ZNF37A: variants seen among roughly 807,000 people sequenced by gnomAD.
ZNF37A encodes zinc finger protein 37a (KOX 21).
In ZNF37A, 10 loss-of-function variants were observed where a neutral mutation model predicts 12.3. That is an observed-to-expected ratio of 0.82 (90% CI 0.50 to 1.38). The LOEUF is 1.38. Among genes scored for constraint, ZNF37A ranks in the 40% most tolerant of loss-of-function variants. The pLI is 0.00. For synonymous variants in ZNF37A, 207 were observed against 223.0 expected (o/e 0.93, Z 0.64); for missense variants, 580 against 651.2 (o/e 0.89, Z 1.19).
chr10:38,112,788 T>TCTTGTCTTGTCTTGTCTTGTCTTGTCTTG (rs1564932518), intron 5 of ZNF37A, among the ~76,000 whole-genome samples: 3 of 111,440 alleles, frequency 2.7e-5, no homozygotes, highest in African/African-American at 1.0e-4. Flanking sequence ...TTCTTTTCTT[T>TCTTGTCTTGTCTTGTCTTGTCTTGTCTTG]TCTTTTCTTG....
At chr10:38,100,098 A>G (rs1030985959) in intron 5 of ZNF37A, among the ~76,000 whole-genome samples, 3 of 152,216 alleles carry the variant, frequency 2.0e-5, no homozygotes, top group African/African-American at 7.2e-5. Flanking sequence ...CCCACAAGCC[A>G]TAAAACCAGC....
chr10:38,145,733 T>C (rs1338055109), intron 7 of ZNF37A, among the ~76,000 whole-genome samples: 1 of 152,184 alleles, frequency 6.6e-6, no homozygotes, highest in Non-Finnish European at 1.5e-5. Flanking sequence ...ACCAGAAATG[T>C]TCCTCAAGAA....
At chr10:38,115,318 T>A in intron 7 of ZNF37A, 28 bp downstream of exon 7, 1 of 1,606,108 alleles carries the variant, frequency 6.2e-7, no homozygotes, top group Non-Finnish European at 8.5e-7. Flanking sequence ...AGATGGAATT[T>A]AAAGGAAGGT....
chr10:38,101,570 C>T lies in ZNF37A; in HGVS notation c.15+4938C>T, dbSNP rs1309968928. Among the ~76,000 whole-genome samples, 3 of 147,168 alleles carry T rather than the reference C, an allele frequency of 2.0e-5. No individual in the cohort carries two copies. In the East Asian group the frequency reaches 6.1e-4, roughly 30 times the overall value. On this transcript the variant is annotated intron_variant, in intron 5 of 7. Transcript: ENST00000685332. The stretch of plus-strand genomic sequence containing the variant: ...TTTATTTCTATTTCTGTTACTATGT[C>T]TCCTTTGTAGACTGACCTTTTTTTT...
intron 7 of ZNF37A, 200 bp from the exon 8 acceptor site, chr10:38,117,190 G>T (rs913205011): frequency 4.1e-6 from 4 of 984,970 alleles, no homozygotes; most frequent in Non-Finnish European, 4.8e-6. Flanking sequence ...ATAGGACTAT[G>T]AATTAGAACT....
chr10:38,096,530 T>G, intron 4 of ZNF37A, 44 bp from the exon 5 acceptor site: 2 of 1,461,458 alleles, frequency 1.4e-6, no homozygotes, highest in Admixed American at 2.0e-5. Context: ...AAGTGGACCT[T>G]TTAAGGCAAG....
rs1288828062 is a variant in ZNF37A at position 38,123,875 on chromosome 10, C to T, written c.*5038C>T. ...GAGGATGTGGAGAAAAGGGAAACCTCGTGCACTGTGGAAATGTTATTAGTA... is the reference window on the plus strand; with the variant it reads ...GAGGATGTGGAGAAAAGGGAAACCTTGTGCACTGTGGAAATGTTATTAGTA... On this transcript the variant is annotated 3_prime_UTR_variant, in exon 8 of 8. Transcript: ENST00000685332. The T allele has an allele frequency of 2.0e-5, 3 of 152,092 alleles. No homozygotes were observed. The highest frequency in any genetic ancestry group is 4.4e-5 in the Non-Finnish European group (3 of 68,010). The allele number at this position is 152,092 out of a possible 1,614,324, so 9.4% of individuals were successfully genotyped here.
In ZNF37A at chr10:38,115,196, G is replaced by T; in HGVS notation, c.144G>T (p.Gly48=). The change falls in exon 7 of 8, where the codon GGG becomes GGT. Residue 48 remains glycine (G), a splice_region_variant and synonymous_variant. Coordinates refer to ENST00000685332, the MANE Select transcript of ZNF37A (RefSeq NM_001324250.3). ...LENYSHLVSV[G]YCIPKPEVIL... ...AAGTAATACAATTCTCATTCACAGG[G>T]TATTGCATTCCTAAACCAGAAGTGA... 3 of 1,612,098 alleles carry T rather than the reference G, an allele frequency of 1.9e-6. No individual in the cohort carries two copies. The highest frequency in any genetic ancestry group is 1.7e-6 in the Non-Finnish European group (2 of 1,179,194).
intron 7 of ZNF37A, chr10:38,141,703 G>T (rs944033091): frequency 6.6e-6 from 1 of 152,186 alleles, no homozygotes; most frequent in Non-Finnish European, 1.5e-5. Context: ...ATAGTTACAT[G>T]AGATGTTAAC....
At chr10:38,108,925 T>C (rs1590851017) in intron 5 of ZNF37A, among the ~76,000 whole-genome samples, 1 of 152,150 alleles carries the variant, frequency 6.6e-6, no homozygotes, top group Non-Finnish European at 1.5e-5. Flanking sequence ...CTGATACCAT[T>C]CCCTCTTAAA....
intron 7 of ZNF37A, chr10:38,137,579 T>C (rs1455979092): frequency 6.6e-6 from 1 of 152,162 alleles, no homozygotes; most frequent in Non-Finnish European, 1.5e-5. Context: ...AGAGCCCTGG[T>C]GTTTGGAAGG....
At chr10:38,139,996 TTACTC>T (rs1212058147) in intron 7 of ZNF37A, 2 of 152,184 alleles carry the variant, frequency 1.3e-5, no homozygotes, top group Non-Finnish European at 2.9e-5. Flanking sequence ...AGTTTGATGT[TTACTC>T]TACACTCTTT....
At chr10:38,107,810 A>G (rs2068254780) in intron 5 of ZNF37A, among the ~76,000 whole-genome samples, 2 of 152,194 alleles carry the variant, frequency 1.3e-5, no homozygotes, top group Admixed American at 6.5e-5. Context: ...TAACGACCCT[A>G]AATATATATG....
rs2069506917 is a variant in ZNF37A at position 38,118,779 on chromosome 10, G to T, written c.1628G>T (p.Arg543Ile). Reference protein sequence around the residue: ...YVKSKLTVHQRIHLGRNPINV... With the variant: ...YVKSKLTVHQIIHLGRNPINV... ...AAGTCAAAACTAACTGTACATCAGA[G>T]AATACACTTGGGGAGAAACCCTATA... The change falls in exon 8 of 8, where the codon AGA becomes ATA. Residue 543 changes from arginine (R) to isoleucine (I), a missense_variant. Arg to Ile is a moderately conservative substitution (Grantham distance 97, BLOSUM62 -3). Coordinates refer to ENST00000685332, the MANE Select transcript of ZNF37A (RefSeq NM_001324250.3). 13 of 1,609,116 alleles carry T rather than the reference G, an allele frequency of 8.1e-6. No homozygotes were observed. In the East Asian group the frequency reaches 2.5e-4, roughly 30 times the overall value.
exon 8 of ZNF37A, chr10:38,146,773 T>A: frequency 5.0e-6 from 2 of 398,572 alleles, no homozygotes; most frequent in Non-Finnish European, 4.4e-6. Flanking sequence ...TGCATGGATT[T>A]GTGCCGAGAC....
At chr10:38,106,853 A>G (rs769756962) in intron 5 of ZNF37A, among the ~76,000 whole-genome samples, 2 of 152,204 alleles carry the variant, frequency 1.3e-5, no homozygotes, top group Non-Finnish European at 2.9e-5. Context: ...ATACGGGACT[A>G]TGTGAAAAGA....
chr10:38,139,003 A>G, intron 7 of ZNF37A: 1 of 152,302 alleles, frequency 6.6e-6, no homozygotes, highest in Non-Finnish European at 1.5e-5. Context: ...ATCATTTTAG[A>G]GCTGTAGCCT....
At chr10:38,111,264 A>G (rs977044307) in intron 5 of ZNF37A, among the ~76,000 whole-genome samples, 1 of 151,994 alleles carries the variant, frequency 6.6e-6, no homozygotes, top group Non-Finnish European at 1.5e-5. Context: ...GTTCTCACTC[A>G]TAAGTGGGAG....
intron 5 of ZNF37A, among the ~76,000 whole-genome samples, chr10:38,112,793 T>TCGTGTCGTGTCGTG (rs1564932610): frequency 2.0e-5 from 1 of 48,784 alleles, no homozygotes; most frequent in African/African-American, 7.1e-5. Context: ...TTCTTTTCTT[T>TCGTGTCGTGTCGTG]TCTTGTCTTG....
Sources: allele counts gnomAD v4.1 joint callset (sites outside exome capture counted in the v4.1 genomes callset), GRCh38; gene constraint gnomAD v4.1.1; transcripts MANE v1.5; gene names NCBI Gene and HGNC (gene_info 2026-07-23, HGNC 2026-07-21).